Variants in C12orf42 observed in about 807,000 individuals in gnomAD.
C12orf42 encodes chromosome 12 open reading frame 42.
A neutral mutation model predicts 21.6 loss-of-function variants in C12orf42; 25 were observed. That is an observed-to-expected ratio of 1.16 (90% confidence interval 0.84 to 1.62). The LOEUF is 1.62. C12orf42 is among the 40% of genes most tolerant of loss of function. C12orf42 has a pLI of 0.00. For synonymous variants in C12orf42, 174 were observed against 175.0 expected, an observed-to-expected ratio of 0.99 and a Z score of 0.05; for missense variants, 483 against 459.3, an observed-to-expected ratio of 1.05 and a Z score of -0.47.
At chr12:103,075,517 A>C in the C12orf42 span, among the ~76,000 whole-genome samples, 1,803 of 152,322 alleles carry the variant, frequency 0.012, 42 homozygotes, top group African/African-American at 0.041. Context: ...AATCACTAAG[A>C]GCCTAAGCAC....
chr12:103,098,458 T>A, the C12orf42 span, among the ~76,000 whole-genome samples: 6 of 152,310 alleles, frequency 3.9e-5, no homozygotes, highest in South Asian at 2.1e-4. Flanking sequence ...AACTATTTTT[T>A]AAAAAAATAA....
At chr12:103,244,552 GAAAA>G (rs764898439) in intron 10 of C12orf42, among the ~76,000 whole-genome samples, 1 of 101,234 alleles carries the variant, frequency 9.9e-6, no homozygotes, top group African/African-American at 3.7e-5. Context: ...AGCATTCTTT[GAAAA>G]AAAAAAAAAA....
chr12:103,075,301 C>G, the C12orf42 span, among the ~76,000 whole-genome samples: 5 of 151,466 alleles, frequency 3.3e-5, no homozygotes, highest in African/African-American at 7.3e-5. Context: ...CCTTTTTTTC[C>G]TCTTTTAATG....
the C12orf42 span, among the ~76,000 whole-genome samples, chr12:103,121,505 C>T: frequency 6.6e-6 from 1 of 152,190 alleles, no homozygotes; most frequent in African/African-American, 2.4e-5. Flanking sequence ...CCTTAGTCTG[C>T]ATGATTTCTG....
chr12:103,548,963 G>A, the C12orf42 span: 2 of 152,258 alleles, frequency 1.3e-5, no homozygotes, highest in South Asian at 4.2e-4. Context: ...GTCATGACCC[G>A]AGCTAGTCTC....
In C12orf42 at chr12:103,453,428, C is replaced by T. The variant is rs940643917; in HGVS notation, c.78+24921G>A. 9.2e-5 allele frequency among the ~76,000 whole-genome samples: 14 copies of T among 151,878 alleles called. 1 individual carries two copies. Among genetic ancestry groups the T allele is most frequent in the Admixed American group, 2.6e-4 (4 of 15,248 alleles). ...TTTCATTCATAATATTATTTGCTTG[C>T]ACCTTCAGTCTTTCATTTATTCTTT... On this transcript the variant is annotated intron_variant, in intron 2 of 5. Transcript: ENST00000548883.
intron 2 of C12orf42, among the ~76,000 whole-genome samples, chr12:103,443,305 T>C (rs1032458972): frequency 3.3e-5 from 5 of 152,118 alleles, no homozygotes; most frequent in African/African-American, 1.2e-4. Context: ...GGCCCAGAAC[T>C]CTGCCAGATA....
the C12orf42 span, among the ~76,000 whole-genome samples, chr12:103,120,996 A>C: frequency 6.6e-6 from 1 of 152,212 alleles, no homozygotes; most frequent in East Asian, 1.9e-4. Flanking sequence ...TGCTGTGGTC[A>C]AAATCCTAAA....
At chr12:103,273,428 A>T (rs1035706733) in intron 5 of C12orf42, among the ~76,000 whole-genome samples, 1 of 152,208 alleles carries the variant, frequency 6.6e-6, no homozygotes, top group African/African-American at 2.4e-5. Context: ...GAATAAACAC[A>T]GCATTGTATA....
chr12:103,191,571 A>AAAAAAAAAAAAG, the C12orf42 span, among the ~76,000 whole-genome samples: 1 of 117,788 alleles, frequency 8.5e-6, no homozygotes, highest in Non-Finnish European at 1.8e-5. Flanking sequence ...AAAAAAAAAA[A>AAAAAAAAAAAAG]AAATACAAAA....
chr12:103,063,715 A>T, the C12orf42 span, among the ~76,000 whole-genome samples: 2 of 152,204 alleles, frequency 1.3e-5, no homozygotes, highest in African/African-American at 4.8e-5. Flanking sequence ...ACTAGACTAA[A>T]GTCCCAGCAG....
chr12:103,299,799 T>C (rs2037531443), downstream of C12orf42, among the ~76,000 whole-genome samples: 1 of 152,162 alleles, frequency 6.6e-6, no homozygotes, highest in South Asian at 2.1e-4. Flanking sequence ...GTGTCTAAGT[T>C]ATAGTACAAA....
chr12:103,053,646 C>A, the C12orf42 span, among the ~76,000 whole-genome samples: 1 of 151,762 alleles, frequency 6.6e-6, no homozygotes. Flanking sequence ...ATTGTGTTTG[C>A]GATGTTAATC....
intron 4 of C12orf42, among the ~76,000 whole-genome samples, chr12:103,331,644 T>C (rs1311982398): frequency 3.3e-5 from 5 of 152,120 alleles, no homozygotes; most frequent in Non-Finnish European, 5.9e-5. Context: ...TTGACAAGAA[T>C]TACAATGCAG....
At chr12:103,429,266 C>A (rs1592763745) in intron 2 of C12orf42, among the ~76,000 whole-genome samples, 1 of 152,212 alleles carries the variant, frequency 6.6e-6, no homozygotes, top group East Asian at 1.9e-4. Flanking sequence ...GCAACTTCAG[C>A]AAAGTCTCAG....
At chr12:103,064,631 G>A in the C12orf42 span, among the ~76,000 whole-genome samples, 8 of 152,346 alleles carry the variant, frequency 5.3e-5, no homozygotes, top group South Asian at 1.7e-3. Context: ...AGGAAGGGGA[G>A]GCCGGGTCCC....
At chr12:103,270,806 A>G (rs2035432809) in intron 5 of C12orf42, among the ~76,000 whole-genome samples, 2 of 145,154 alleles carry the variant, frequency 1.4e-5, no homozygotes, top group South Asian at 4.3e-4. Context: ...GATCTAAAAC[A>G]TCTAGGTCTT....
At chr12:103,334,077 C>A (rs557801994) in intron 4 of C12orf42, among the ~76,000 whole-genome samples, 1 of 152,306 alleles carries the variant, frequency 6.6e-6, no homozygotes, top group East Asian at 1.9e-4. Flanking sequence ...TAATTGGCAA[C>A]TTTCACCTCC....
chr12:103,301,335 GA>G (rs537409856), downstream of C12orf42, among the ~76,000 whole-genome samples: 48 of 152,000 alleles, frequency 3.2e-4, no homozygotes, highest in African/African-American at 1.0e-3. Context: ...TTCTGAAGGG[GA>G]AAAAAACCCT....
Sources: allele counts gnomAD v4.1 joint callset (sites outside exome capture counted in the v4.1 genomes callset), GRCh38; gene constraint gnomAD v4.1.1; transcripts MANE v1.5; gene names NCBI Gene and HGNC (gene_info 2026-07-23, HGNC 2026-07-21).